The following GSDME variants were observed in gnomAD, a reference collection of about 807,000 sequenced individuals.
The protein encoded by GSDME is gasdermin-E.
In GSDME, 44 loss-of-function variants were observed where a neutral mutation model predicts 47.5. The ratio of observed to expected loss-of-function variants is 0.93; its 90% CI spans 0.73 to 1.19. The LOEUF (loss-of-function observed/expected upper bound fraction) is 1.19. GSDME is among the 50% of genes most tolerant of loss of function. The probability of loss-of-function intolerance (pLI) is 0.00; values close to 1 mark genes in which losing one functional copy is unlikely to be tolerated. For missense variants in GSDME, 663 were observed against 604.2 expected, an observed-to-expected ratio of 1.10 and a Z score of -1.02; for synonymous variants, 258 against 252.8, an observed-to-expected ratio of 1.02 and a Z score of -0.20.
chr7:24,715,834 TTCTC>T (rs1441161019), intron 5 of GSDME, among the ~76,000 whole-genome samples: 3 of 152,182 alleles, frequency 2.0e-5, no homozygotes. Context: ...AACTGACACT[TTCTC>T]TTTCTGTCAC....
At position 24,719,159 on chromosome 7, in the gene GSDME, A is replaced by G. The variant is rs1376841203; in HGVS notation, c.464T>C (p.Leu155Pro). Residue 155 changes from leucine (L) to proline (P), a missense_variant, in exon 4 of 10, where the codon CTG (leucine) becomes CCG (proline). Transcript: ENST00000645220. ...QQVLEGRNEV[L>P]CVLTQKITTM... ...CGTGATCTTCTGTGTCAAAACGCAC[A>G]GGACCTCATTCCTTCCTTCCAGCAC... 2 of 1,613,786 alleles carry G rather than the reference A, an allele frequency of 1.2e-6. No individual in the cohort carries two copies. The highest frequency in any genetic ancestry group is 2.7e-5 in the African/African-American group (2 of 74,948).
At position 24,744,166 on chromosome 7, in the gene GSDME, C is replaced by T. The variant is rs181833991; in HGVS notation, c.404+396G>A. On this transcript the variant is annotated intron_variant, in intron 3 of 9. Transcript: ENST00000645220. This position sits in a 1 kb window ranked among gnomAD's most constrained non-coding sequence, Gnocchi z 4.5. ...GCTCTTATTTTTGAACTTTTTTACG[C>T]GCCTCTCACTTGCTTTCTTCTTTTT... The T allele has an allele frequency of 5.8e-5, 13 of 223,620 alleles. No individual in the cohort carries two copies. Among genetic ancestry groups the T allele is most frequent in the Middle Eastern group, 1.7e-3 (1 of 574 alleles). 13.9% of individuals were successfully genotyped at this position (223,620 alleles called of 1,614,324 possible). A position where few individuals can be genotyped will look rare whatever the true frequency, so the allele number is the denominator to read the frequency against.
In GSDME at chr7:24,726,337, G is replaced by C. The variant is rs1045931388; in HGVS notation, c.405-7119C>G. ...TTTACCAAAGCATAAAGGAGGTCCCGGGGATGCCTCCTGCAGAGACACAGG... is the reference window on the plus strand; with the variant it reads ...TTTACCAAAGCATAAAGGAGGTCCCCGGGATGCCTCCTGCAGAGACACAGG... On this transcript the variant is annotated intron_variant, in intron 3 of 9. Transcript: ENST00000645220. The surrounding 1 kb of genome is among the most constrained non-coding windows in gnomAD (Gnocchi z 5.6). 6.6e-6 allele frequency among the ~76,000 whole-genome samples: 1 copy of C among 152,114 alleles called. No homozygotes were observed. The highest frequency in any genetic ancestry group is 1.5e-5 in the Non-Finnish European group (1 of 68,020).
At chr7:24,784,652 A>G in the GSDME span, among the ~76,000 whole-genome samples, 1 of 133,540 alleles carries the variant, frequency 7.5e-6, no homozygotes. Flanking sequence ...TTTTTGAGAC[A>G]GAGTCTCGGC....
rs770214390 is a variant in GSDME, at chr7:24,710,316, G to A, written c.770C>T (p.Pro257Leu). ...KKRIDSVYLD[P>L]LVFREFAFID... ...GAATGCAAACTCTCGAAAGACCAGG[G>A]GGTCCAGGTAGACAGAGTCAATTCT... Residue 257 changes from proline to leucine, a missense_variant, in exon 6 of 10, where the codon CCC becomes CTC. Physicochemically the swap from Pro to Leu is moderately conservative, Grantham distance 98 (BLOSUM62 -3). Transcript: ENST00000645220. 6 of 1,614,220 alleles carry A rather than the reference G, an allele frequency of 3.7e-6. No homozygotes were observed. In the Admixed American group the frequency reaches 5.0e-5, roughly 13 times the overall value.
chr7:24,707,397 G>A, intron 7 of GSDME: 3 of 471,580 alleles, frequency 6.4e-6, no homozygotes, highest in Non-Finnish European at 1.3e-5. Context: ...AAGAGTTAAG[G>A]AACTTGACCT....
Position 24,744,854 on chromosome 7 carries a change from CA to C in GSDME, c.212-101del, listed in dbSNP as rs1283979462. Reference sequence around the variant, plus strand: ...CAAGCCTGTGCAGAGCCCCGGAAAGCAGAAGGCTGGCACTCAGATGGAAAGC... The same window carrying C: ...CAAGCCTGTGCAGAGCCCCGGAAAGCGAAGGCTGGCACTCAGATGGAAAGC... On this transcript the variant is annotated intron_variant, in intron 2 of 9. Transcript: ENST00000645220. The surrounding 1 kb of genome is among the most constrained non-coding windows in gnomAD (Gnocchi z 4.5). 2 of 1,336,998 alleles carry C rather than the reference CA, an allele frequency of 1.5e-6. No homozygotes were observed. Among genetic ancestry groups the C allele is most frequent in the East Asian group, 4.9e-5 (2 of 41,194 alleles). The allele number at this position is 1,336,998 out of a possible 1,614,324, so 82.8% of individuals were successfully genotyped here.
At chr7:24,711,021 A>G (rs1159703757) in intron 5 of GSDME, among the ~76,000 whole-genome samples, 2 of 152,194 alleles carry the variant, frequency 1.3e-5, no homozygotes, top group Non-Finnish European at 2.9e-5. Context: ...TCAAGGTACT[A>G]AAATATTTAC....
chr7:24,744,361 C>T lies in GSDME; in HGVS notation c.404+201G>A. The T allele has an allele frequency of 1.6e-6, 1 of 622,686 alleles. No individual in the cohort carries two copies. The highest frequency in any genetic ancestry group is 2.8e-6 in the Non-Finnish European group (1 of 351,658). 38.6% of individuals were successfully genotyped at this position (622,686 alleles called of 1,614,324 possible). A position where few individuals can be genotyped will look rare whatever the true frequency, so the allele number is the denominator to read the frequency against. ...CATCCTTTGAAAGTGCTTCCCAAGT[C>T]TCCCCCCACTCAGGCTAAGAACAGT... On this transcript the variant is annotated intron_variant, in intron 3 of 9. Transcript: ENST00000645220. The surrounding 1 kb of genome is among the most constrained non-coding windows in gnomAD (Gnocchi z 4.5).
intron 6 of GSDME, among the ~76,000 whole-genome samples, chr7:24,709,684 C>T (rs546181663): frequency 1.4e-4 from 21 of 152,294 alleles, no homozygotes; most frequent in Admixed American, 1.2e-3. Flanking sequence ...AAGCACAATA[C>T]GCTGTGAGGA....
the GSDME span, among the ~76,000 whole-genome samples, chr7:24,778,543 T>C: frequency 6.6e-6 from 1 of 152,240 alleles, no homozygotes; most frequent in Middle Eastern, 3.4e-3. This position sits in a 1 kb window ranked among gnomAD's most constrained non-coding sequence, Gnocchi z 5.6. Context: ...AATACTAGAA[T>C]TGGGAAAGTC....
chr7:24,747,697 G>A (rs1226543285), intron 2 of GSDME, among the ~76,000 whole-genome samples: 2 of 151,648 alleles, frequency 1.3e-5, no homozygotes, highest in African/African-American at 2.4e-5. Context: ...TTGGAGACAG[G>A]GACTCTGTTG....
intron 2 of GSDME, among the ~76,000 whole-genome samples, chr7:24,748,168 A>ATATATT (rs1483888057): frequency 6.0e-5 from 7 of 117,496 alleles, no homozygotes; most frequent in East Asian, 2.8e-4. Context: ...ATATATATAT[A>ATATATT]TTTTTTTTTG....
intron 2 of GSDME, among the ~76,000 whole-genome samples, chr7:24,748,638 A>G (rs1790756132): frequency 6.6e-6 from 1 of 151,898 alleles, no homozygotes; most frequent in Non-Finnish European, 1.5e-5. Flanking sequence ...CCCATTTTTT[A>G]TGTCTGACTG....
chr7:24,745,775 T>C lies in GSDME; in HGVS notation c.212-1021A>G, dbSNP rs552479477. Among the ~76,000 whole-genome samples the C allele has an allele frequency of 2.6e-5, 4 of 151,974 alleles. No individual in the cohort carries two copies. The highest frequency in any genetic ancestry group is 5.9e-5 in the Non-Finnish European group (4 of 67,984). ...ATCACCTGAACCCAGGAGTATAAGGTTACAAGTGAGCAATGATCATGCCAC... is the reference window on the plus strand; with the variant it reads ...ATCACCTGAACCCAGGAGTATAAGGCTACAAGTGAGCAATGATCATGCCAC... On this transcript the variant is annotated intron_variant, in intron 2 of 9. Transcript: ENST00000645220. The surrounding 1 kb of genome is among the most constrained non-coding windows in gnomAD (Gnocchi z 4.4).
At chr7:24,768,255 G>A in the GSDME span, among the ~76,000 whole-genome samples, 5 of 152,206 alleles carry the variant, frequency 3.3e-5, no homozygotes, top group Non-Finnish European at 5.9e-5. This position sits in a 1 kb window ranked among gnomAD's most constrained non-coding sequence, Gnocchi z 5.6. Context: ...ATTCTGCTTA[G>A]GACAACGGAG....
chr7:24,754,010 A>G lies in GSDME; in HGVS notation c.-20+3386T>C, dbSNP rs950106695. 3.3e-5 allele frequency among the ~76,000 whole-genome samples: 5 copies of G among 152,236 alleles called. No individual in the cohort carries two copies. The highest frequency in any genetic ancestry group is 7.3e-5 in the Non-Finnish European group (5 of 68,036). On this transcript the variant is annotated intron_variant, in intron 1 of 9. Coordinates refer to ENST00000645220, the MANE Select transcript of GSDME (RefSeq NM_001127453.2). This position sits in a 1 kb window ranked among gnomAD's most constrained non-coding sequence, Gnocchi z 5.0. Reference sequence around the variant, plus strand: ...ATCTAGAACTCAAGTTGCCCGACACAGACAAGCACAGTCATGTCTCAGCCA... The same window carrying G: ...ATCTAGAACTCAAGTTGCCCGACACGGACAAGCACAGTCATGTCTCAGCCA...
the GSDME span, among the ~76,000 whole-genome samples, chr7:24,774,193 T>C: frequency 6.6e-6 from 1 of 152,080 alleles, no homozygotes; most frequent in African/African-American, 2.4e-5. Flanking sequence ...CATCACTCAT[T>C]TGCTCCTTAA....
chr7:24,757,529 C>G (rs992151864), upstream of GSDME: 3 of 151,694 alleles, frequency 2.0e-5, no homozygotes, highest in Admixed American at 1.3e-4. This position sits in a 1 kb window ranked among gnomAD's most constrained non-coding sequence, Gnocchi z 5.9. Context: ...GACCTTTGCT[C>G]GGTCCGGGCG....
Sources: gnomAD v4.1 joint callset for allele counts (sites outside exome capture counted in the v4.1 genomes callset) on GRCh38, gnomAD v4.1.1 for gene constraint, Gnocchi (gnomAD v3.1) non-coding constraint, MANE v1.5 for transcripts, NCBI Gene and HGNC (gene_info 2026-07-23, HGNC 2026-07-21) for gene names.